Variants in FHIT observed in about 807,000 individuals in gnomAD.
FHIT encodes the protein bis(5'-adenosyl)-triphosphatase.
Under a neutral mutation model 17.9 loss-of-function variants are expected in FHIT, and 19 were observed. The ratio of observed to expected loss-of-function variants is 1.06; its 90% CI spans 0.74 to 1.56. The LOEUF is 1.56. Ranked by LOEUF, FHIT falls within the 40% of genes most tolerant of loss-of-function variation. The probability of loss-of-function intolerance (pLI) is 0.00; values close to 1 mark genes in which losing one functional copy is unlikely to be tolerated. For synonymous variants in FHIT, 81 were observed against 69.7 expected, an observed-to-expected ratio of 1.16 and a Z score of -0.81; for missense variants, 248 against 189.2, an observed-to-expected ratio of 1.31 and a Z score of -1.82.
intron 5 of FHIT, among the ~76,000 whole-genome samples, chr3:60,058,739 C>A (rs1427977258): frequency 6.6e-6 from 1 of 152,150 alleles, no homozygotes; most frequent in East Asian, 1.9e-4. Context: ...GCTAGCAACA[C>A]TGTGTTAAGA....
At chr3:60,823,031 T>C (rs1701981282) in intron 3 of FHIT, among the ~76,000 whole-genome samples, 1 of 152,200 alleles carries the variant, frequency 6.6e-6, no homozygotes, top group African/African-American at 2.4e-5. Flanking sequence ...TCATGTTACA[T>C]GGTCAGCTCA....
At chr3:61,066,428 A>C (rs557582408) in intron 2 of FHIT, among the ~76,000 whole-genome samples, 1 of 152,296 alleles carries the variant, frequency 6.6e-6, no homozygotes, top group East Asian at 1.9e-4. Flanking sequence ...AGTCTGACCA[A>C]CATAGTGAAA....
At chr3:59,755,082 T>C (rs965408507) in intron 8 of FHIT, among the ~76,000 whole-genome samples, 1 of 152,108 alleles carries the variant, frequency 6.6e-6, no homozygotes, top group African/African-American at 2.4e-5. Context: ...AGTGTGTAGA[T>C]AGAGCCCACA....
At chr3:59,811,077 C>A (rs1027471576) in intron 8 of FHIT, among the ~76,000 whole-genome samples, 1 of 152,204 alleles carries the variant, frequency 6.6e-6, no homozygotes, top group African/African-American at 2.4e-5. Context: ...CAATAACTGA[C>A]CAGTCTCAAC....
rs2038403222 is a variant in FHIT at position 61,183,348 on chromosome 3, T to G, written c.-164+17269A>C. On this transcript the variant is annotated intron_variant, in intron 2 of 9. Transcript: ENST00000492590. Reference sequence around the variant, plus strand: ...TGAATGAATGAAAACAGATCAGCTTTGCAGAAAGAAGCACCTGCTTACCTA... The same window carrying G: ...TGAATGAATGAAAACAGATCAGCTTGGCAGAAAGAAGCACCTGCTTACCTA... 2.7e-5 allele frequency among the ~76,000 whole-genome samples: 3 copies of G among 112,884 alleles called. No homozygotes were observed. In the South Asian group the frequency reaches 9.1e-4, roughly 34 times the overall value. The allele number at this position is 112,884 out of a possible 152,430, so 74.1% of individuals were successfully genotyped here.
At chr3:60,247,025 A>T (rs1414140671) in intron 5 of FHIT, among the ~76,000 whole-genome samples, 1 of 152,168 alleles carries the variant, frequency 6.6e-6, no homozygotes, top group Non-Finnish European at 1.5e-5. Context: ...CTCATCGAAC[A>T]TACATCACTA....
chr3:60,015,495 G>T (rs1700309554), intron 5 of FHIT, among the ~76,000 whole-genome samples: 1 of 152,154 alleles, frequency 6.6e-6, no homozygotes, highest in African/African-American at 2.4e-5. Context: ...ATGGGTCAAT[G>T]AACCATTTAG....
intron 3 of FHIT, among the ~76,000 whole-genome samples, chr3:60,913,985 G>C (rs912168475): frequency 6.6e-6 from 1 of 152,198 alleles, no homozygotes; most frequent in African/African-American, 2.4e-5. Context: ...ATCGAATTGA[G>C]TCAAAAGGCA....
At chr3:60,006,830 T>C (rs1575867534) in intron 7 of FHIT, among the ~76,000 whole-genome samples, 1 of 152,170 alleles carries the variant, frequency 6.6e-6, no homozygotes, top group African/African-American at 2.4e-5. Flanking sequence ...TCTGAAAGAT[T>C]ACCAAATTTT....
At chr3:59,885,323 G>A (rs602197) in intron 8 of FHIT, among the ~76,000 whole-genome samples, 103,495 of 152,066 alleles carry the variant, frequency 0.68, 38,698 homozygotes, top group East Asian at 0.98. Context: ...ATTGAGCACG[G>A]GGGGCTGCCA....
At chr3:60,508,956 C>A (rs17063381) in intron 5 of FHIT, among the ~76,000 whole-genome samples, 1 of 152,120 alleles carries the variant, frequency 6.6e-6, no homozygotes, top group Admixed American at 6.5e-5. Context: ...TGTACAGACA[C>A]AAATCACTGC....
intron 7 of FHIT, among the ~76,000 whole-genome samples, chr3:59,932,891 T>A (rs1575721008): frequency 1.3e-5 from 2 of 152,146 alleles, no homozygotes; most frequent in African/African-American, 4.8e-5. Context: ...CCCATTCTCC[T>A]ATCTCTAATT....
chr3:60,827,535 A>C (rs565181161), intron 3 of FHIT, among the ~76,000 whole-genome samples: 1 of 152,350 alleles, frequency 6.6e-6, no homozygotes, highest in Non-Finnish European at 1.5e-5. Context: ...AGTGTTGATA[A>C]ACATGATTCC....
At chr3:60,125,399 A>C (rs1705494913) in intron 5 of FHIT, among the ~76,000 whole-genome samples, 1 of 152,148 alleles carries the variant, frequency 6.6e-6, no homozygotes, top group African/African-American at 2.4e-5. Flanking sequence ...TGGGAGGCTG[A>C]GGCGGTCGGA....
chr3:60,004,983 G>A (rs1699866603), intron 7 of FHIT, among the ~76,000 whole-genome samples: 1 of 152,118 alleles, frequency 6.6e-6, no homozygotes, highest in South Asian at 2.1e-4. Context: ...CTAAGTTTAT[G>A]AATGAATGTG....
chr3:59,843,558 TTTCA>T (rs1701607295), intron 8 of FHIT, among the ~76,000 whole-genome samples: 2 of 152,184 alleles, frequency 1.3e-5, no homozygotes, highest in Admixed American at 1.3e-4. Flanking sequence ...TAAGATGTGT[TTTCA>T]TTGATTGATA....
chr3:59,945,698 G>C (rs527503240), intron 7 of FHIT, among the ~76,000 whole-genome samples: 1 of 152,126 alleles, frequency 6.6e-6, no homozygotes, highest in South Asian at 2.1e-4. Flanking sequence ...AATCCATCTT[G>C]AGTTTATTTT....
intron 4 of FHIT, among the ~76,000 whole-genome samples, chr3:60,584,612 A>G (rs1442089034): frequency 1.3e-5 from 2 of 152,014 alleles, no homozygotes; most frequent in Non-Finnish European, 2.9e-5. Context: ...TTTGCATAGG[A>G]TCAGAAATTT....
At position 60,055,873 on chromosome 3, in the gene FHIT, C is replaced by T. The variant is rs376858701; in HGVS notation, c.104-41721G>A. ...AACACAAACTCTTTCTAGGCAGCTT[C>T]GAAGGTACCAAACAAGTGGCTCCTA... On this transcript the variant is annotated intron_variant, in intron 5 of 9. Coordinates refer to ENST00000492590, the MANE Select transcript of FHIT (RefSeq NM_002012.4). Among the ~76,000 whole-genome samples the T allele has an allele frequency of 8.5e-5, 13 of 152,284 alleles. No individual in the cohort carries two copies. The East Asian group carries it at 1.2e-3, about 14-fold the overall frequency.
Sources: allele counts gnomAD v4.1 joint callset (sites outside exome capture counted in the v4.1 genomes callset), GRCh38; gene constraint gnomAD v4.1.1; transcripts MANE v1.5; gene names NCBI Gene and HGNC (gene_info 2026-07-23, HGNC 2026-07-21).